Variants in TMEM232 observed in about 807,000 individuals in gnomAD.
TMEM232 encodes the protein transmembrane protein 232.
Under a neutral mutation model 78.8 loss-of-function variants are expected in TMEM232, and 80 were observed. The observed-to-expected ratio is 1.01, with a 90% confidence interval of 0.85 to 1.22. TMEM232 has a LOEUF of 1.22. Ranked by LOEUF, TMEM232 falls within the 50% of genes most tolerant of loss-of-function variation. The pLI, the probability that TMEM232 is intolerant of heterozygous loss-of-function variation, is 0.00. For synonymous variants in TMEM232, 297 were observed against 254.3 expected (o/e 1.17, Z -1.60); for missense variants, 881 against 742.2 (o/e 1.19, Z -2.17).
At chr5:110,456,726 C>T (rs375243579) in intron 12 of TMEM232, among the ~76,000 whole-genome samples, 1 of 152,082 alleles carries the variant, frequency 6.6e-6, no homozygotes, top group Non-Finnish European at 1.5e-5. Flanking sequence ...TGCACATACA[C>T]AGTCAACTGC....
intron 12 of TMEM232, among the ~76,000 whole-genome samples, chr5:110,509,725 T>G (rs1767487974): frequency 6.6e-6 from 1 of 152,260 alleles, no homozygotes; most frequent in East Asian, 1.9e-4. Context: ...TTTAGAAATA[T>G]CGTACACACA....
At chr5:110,511,392 T>C (rs989348326) in intron 12 of TMEM232, among the ~76,000 whole-genome samples, 1 of 151,790 alleles carries the variant, frequency 6.6e-6, no homozygotes, top group South Asian at 2.1e-4. Flanking sequence ...TGTATACCTA[T>C]GTAACAAACC....
At chr5:110,595,897 C>T (rs1780100913) in intron 10 of TMEM232, among the ~76,000 whole-genome samples, 1 of 152,010 alleles carries the variant, frequency 6.6e-6, no homozygotes, top group African/African-American at 2.4e-5. Flanking sequence ...TAAGAGAGGC[C>T]AACATGCAAA....
chr5:110,735,243 T>C (rs1285170571), intron 1 of TMEM232, among the ~76,000 whole-genome samples: 1 of 152,234 alleles, frequency 6.6e-6, no homozygotes, highest in African/African-American at 2.4e-5. Context: ...TTTTGTTTGG[T>C]AGGACCATAG....
rs73222663 is a variant in TMEM232 at position 110,561,877 on chromosome 5, C to G, written c.1455+6570G>C. ...TATTGACATGGCAGTTACTGGGTTC[C>G]AAGAGAATAAGAGAGGGAAGACCCC... On this transcript the variant is annotated intron_variant, in intron 11 of 13. Coordinates refer to ENST00000455884, the MANE Select transcript of TMEM232 (RefSeq NM_001039763.4). 6.7e-3 allele frequency among the ~76,000 whole-genome samples: 1,016 copies of G among 152,026 alleles called. 15 individuals carry two copies. Among genetic ancestry groups the G allele is most frequent in the African/African-American group, 0.023 (975 of 41,510 alleles).
At chr5:110,711,792 GATTAAAGAGTTAC>G (rs1796508871) in intron 1 of TMEM232, among the ~76,000 whole-genome samples, 1 of 152,064 alleles carries the variant, frequency 6.6e-6, no homozygotes, top group African/African-American at 2.4e-5. Context: ...AACCAAAATG[GATTAAAGAGTTAC>G]ATTTAAGAAT....
chr5:110,552,715 T>C (rs531732420), intron 11 of TMEM232, among the ~76,000 whole-genome samples: 1 of 152,248 alleles, frequency 6.6e-6, no homozygotes, highest in African/African-American at 2.4e-5. Flanking sequence ...ATGAAACCTA[T>C]TTTAAATCTT....
chr5:110,712,787 G>C (rs1375752384), intron 1 of TMEM232, among the ~76,000 whole-genome samples: 1 of 152,122 alleles, frequency 6.6e-6, no homozygotes. Context: ...GGAGAAAAGG[G>C]AGCCCACCAT....
intron 4 of TMEM232, among the ~76,000 whole-genome samples, chr5:110,640,320 A>C (rs1786493743): frequency 6.6e-6 from 1 of 152,190 alleles, no homozygotes; most frequent in Admixed American, 6.5e-5. Flanking sequence ...TGTGGTTAAC[A>C]TTCTAAAACT....
intron 1 of TMEM232, among the ~76,000 whole-genome samples, chr5:110,671,252 G>T (rs1054723409): frequency 1.6e-4 from 25 of 152,184 alleles, no homozygotes; most frequent in African/African-American, 6.0e-4. Context: ...GGAAACAACA[G>T]ATGCTGGAGA....
At chr5:110,450,851 G>A (rs779327957) in intron 12 of TMEM232, among the ~76,000 whole-genome samples, 2 of 152,130 alleles carry the variant, frequency 1.3e-5, no homozygotes, top group Non-Finnish European at 2.9e-5. Flanking sequence ...AAAGAGTTAA[G>A]TGTGAAACTT....
upstream of TMEM232, among the ~76,000 whole-genome samples, chr5:110,727,996 A>C (rs1323094390): frequency 1.3e-5 from 2 of 152,182 alleles, no homozygotes; most frequent in Non-Finnish European, 2.9e-5. Context: ...AGAGATCTAG[A>C]AAAGTGTTAA....
intron 1 of TMEM232, among the ~76,000 whole-genome samples, chr5:110,702,162 C>A (rs931814289): frequency 6.6e-6 from 1 of 151,730 alleles, no homozygotes; most frequent in South Asian, 2.1e-4. Context: ...AAGAGCTATT[C>A]AAGAAAAAAA....
intron 2 of TMEM232, among the ~76,000 whole-genome samples, chr5:110,404,673 G>A (rs1414533100): frequency 6.6e-6 from 1 of 152,124 alleles, no homozygotes; most frequent in South Asian, 2.1e-4. Context: ...CAACAAAATT[G>A]ACAAAATGGA....
Position 110,546,285 on chromosome 5 carries a change from G to GTTTT in TMEM232, c.1456-17451_1456-17450insAAAA, listed in dbSNP as rs543068758. ...AGAGTAGATAATTTAGTTAGGAATGGATAATTTAGTTAGGAATGGATTTAC... is the reference window on the plus strand; with the variant it reads ...AGAGTAGATAATTTAGTTAGGAATGGTTTTATAATTTAGTTAGGAATGGATTTAC... On this transcript the variant is annotated intron_variant, in intron 11 of 13. Coordinates refer to ENST00000455884, the MANE Select transcript of TMEM232 (RefSeq NM_001039763.4). Among the ~76,000 whole-genome samples, 87 of 152,158 alleles carry GTTTT rather than the reference G, an allele frequency of 5.7e-4. No individual in the cohort carries two copies. The South Asian group carries it at 0.018, about 31-fold the overall frequency.
chr5:110,457,449 G>A (rs890895494), intron 12 of TMEM232, among the ~76,000 whole-genome samples: 1 of 151,940 alleles, frequency 6.6e-6, no homozygotes, highest in Non-Finnish European at 1.5e-5. Context: ...AAAACAGTTT[G>A]GTTATTTTTT....
At chr5:110,595,243 C>T (rs1233791929) in intron 10 of TMEM232, among the ~76,000 whole-genome samples, 1 of 152,164 alleles carries the variant, frequency 6.6e-6, no homozygotes, top group Non-Finnish European at 1.5e-5. Flanking sequence ...ACTAAAAGGA[C>T]ACCCACTCAA....
At chr5:110,441,067 G>A (rs773008367) in intron 12 of TMEM232, among the ~76,000 whole-genome samples, 19 of 152,070 alleles carry the variant, frequency 1.2e-4, no homozygotes, top group Non-Finnish European at 2.2e-4. Context: ...CTGCTTTGAC[G>A]CAGGTATGTC....
intron 10 of TMEM232, among the ~76,000 whole-genome samples, chr5:110,593,731 G>A (rs1353525821): frequency 6.6e-6 from 1 of 152,106 alleles, no homozygotes; most frequent in African/African-American, 2.4e-5. Flanking sequence ...AAAATGGAAA[G>A]AATGAATAAG....
Sources: allele counts gnomAD v4.1 joint callset (sites outside exome capture counted in the v4.1 genomes callset), GRCh38; gene constraint gnomAD v4.1.1; transcripts MANE v1.5; gene names NCBI Gene and HGNC (gene_info 2026-07-23, HGNC 2026-07-21).